The following TBX1 variants were observed in gnomAD, a reference collection of about 807,000 sequenced individuals.
TBX1 encodes the protein T-box transcription factor TBX1.
A neutral mutation model predicts 40.8 loss-of-function variants in TBX1; 16 were observed. The observed-to-expected ratio is 0.39, with a 90% confidence interval of 0.27 to 0.60. The LOEUF is 0.60. Among genes scored for constraint, TBX1 ranks in the 20% least tolerant of loss-of-function variants. The pLI, the probability that TBX1 is intolerant of heterozygous loss-of-function variation, is 0.51. For missense variants in TBX1, 755 were observed against 728.5 expected, an observed-to-expected ratio of 1.04 and a Z score of -0.42; for synonymous variants, 403 against 336.8, an observed-to-expected ratio of 1.20 and a Z score of -2.15.
intron 1 of TBX1, among the ~76,000 whole-genome samples, chr22:19,762,795 C>A (rs897795386): frequency 1.3e-5 from 2 of 152,104 alleles, no homozygotes; most frequent in African/African-American, 4.8e-5. Flanking sequence ...AGCGGGGACG[C>A]CTTGAACTCA....
At chr22:19,765,162 G>A in intron 4 of TBX1, 49 bp downstream of exon 4, 1 of 1,613,482 alleles carries the variant, frequency 6.2e-7, no homozygotes, top group Non-Finnish European at 8.5e-7. Context: ...CTCTGGAAAA[G>A]CGGGTGTAAT....
At chr22:19,759,718 A>AC, upstream of TBX1, 3 of 1,608,152 alleles carry the variant, frequency 1.9e-6, no homozygotes, top group Non-Finnish European at 2.5e-6. Context: ...CGCCCGCCAG[A>AC]CCCCCTGCCT....
intron 3 of TBX1, 106 bp from the exon 4 acceptor site, chr22:19,764,852 C>G (rs1031121460): frequency 1.4e-6 from 2 of 1,398,164 alleles, no homozygotes; most frequent in African/African-American, 2.8e-5. Flanking sequence ...CCCAACTCAT[C>G]CAGGAAACTC....
At chr22:19,774,017 C>G (rs1164164825) in intron 8 of TBX1, among the ~76,000 whole-genome samples, 6 of 152,142 alleles carry the variant, frequency 3.9e-5, no homozygotes, top group Non-Finnish European at 4.4e-5. Flanking sequence ...ACATATATAC[C>G]CAGAAGGTGA....
downstream of TBX1, among the ~76,000 whole-genome samples, chr22:19,767,784 G>C (rs144324069): frequency 1.3e-3 from 197 of 152,364 alleles, 1 homozygote; most frequent in African/African-American, 4.7e-3. Context: ...CTGCCGGTCG[G>C]TGCTGGGAGG....
chr22:19,769,082 C>T (rs1472263757), downstream of TBX1, among the ~76,000 whole-genome samples: 1 of 150,436 alleles, frequency 6.6e-6, no homozygotes, highest in Admixed American at 6.8e-5. Flanking sequence ...TTGCTTCAGC[C>T]TCAGAGTAGC....
rs1445785479 is a variant in TBX1, at chr22:19,767,322, G to C, written c.*455G>C. 1.0e-6 allele frequency: 1 copy of C among 988,964 alleles called. No individual in the cohort carries two copies. Among genetic ancestry groups the C allele is most frequent in the Non-Finnish European group, 1.2e-6 (1 of 832,394 alleles). The allele number at this position is 988,964 out of a possible 1,614,324, so 61.3% of individuals were successfully genotyped here. ...CGGCGCCGACTTGATAAACGGTTTC[G>C]CCTCTTTTGGAAGCCGCCTGCGTGT... On this transcript the variant is annotated 3_prime_UTR_variant, in exon 7 of 7. Coordinates refer to ENST00000649276, the MANE Select transcript of TBX1 (RefSeq NM_001379200.1).
At chr22:19,762,061 C>T (rs892017465) in intron 1 of TBX1, among the ~76,000 whole-genome samples, 5 of 152,240 alleles carry the variant, frequency 3.3e-5, no homozygotes, top group Admixed American at 3.3e-4. Flanking sequence ...AAAGCCTTCT[C>T]GTGGTTTCTG....
intron 4 of TBX1, among the ~76,000 whole-genome samples, chr22:19,765,527 G>A (rs556263681): frequency 7.2e-5 from 11 of 152,238 alleles, no homozygotes; most frequent in Admixed American, 5.2e-4. Flanking sequence ...CCACCCACCT[G>A]GGGGACACCA....
chr22:19,764,106 C>T (rs765218559), intron 2 of TBX1, 49 bp from the exon 3 acceptor site: 16 of 1,606,026 alleles, frequency 1.0e-5, no homozygotes, highest in Non-Finnish European at 1.2e-5. Context: ...CGGGTCAAGG[C>T]CCTCTGGGTT....
At chr22:19,764,073 A>G in intron 2 of TBX1, 82 bp from the exon 3 acceptor site, 1 of 1,521,666 alleles carries the variant, frequency 6.6e-7, no homozygotes, top group Non-Finnish European at 9.0e-7. Context: ...TCTCAAAGGC[A>G]CTTTTAGGGT....
downstream of TBX1, among the ~76,000 whole-genome samples, chr22:19,770,547 CGAGTCTGTT>C (rs1336384385): frequency 1.3e-5 from 2 of 152,214 alleles, no homozygotes; most frequent in Non-Finnish European, 2.9e-5. Context: ...CGGGACAAGG[CGAGTCTGTT>C]TGGTGGCACC....
At chr22:19,782,640 A>G (rs1937152871), downstream of TBX1, among the ~76,000 whole-genome samples, 1 of 152,160 alleles carries the variant, frequency 6.6e-6, no homozygotes, top group East Asian at 1.9e-4. Flanking sequence ...TCACACCCGC[A>G]GGGCTGAGTG....
At chr22:19,782,881 T>C, downstream of TBX1, 1 of 1,614,162 alleles carries the variant, frequency 6.2e-7, no homozygotes. Context: ...CCACCCAGTG[T>C]AGGGATCTGT....
At chr22:19,758,324 G>A (rs1312812043), upstream of TBX1, among the ~76,000 whole-genome samples, 2 of 152,212 alleles carry the variant, frequency 1.3e-5, no homozygotes, top group Admixed American at 6.5e-5. Context: ...AAGGCACAGA[G>A]GCTCCAGCAA....
chr22:19,768,544 G>A (rs1392271494), downstream of TBX1, among the ~76,000 whole-genome samples: 1 of 152,188 alleles, frequency 6.6e-6, no homozygotes, highest in African/African-American at 2.4e-5. Flanking sequence ...CATTTGGGGG[G>A]ACGGCTGTGG....
chr22:19,773,514 T>G (rs1225591465), intron 8 of TBX1, among the ~76,000 whole-genome samples: 1 of 152,118 alleles, frequency 6.6e-6, no homozygotes, highest in Non-Finnish European at 1.5e-5. Flanking sequence ...TGGGCTTCCT[T>G]GGAGGACCCT....
chr22:19,779,646 T>G, downstream of TBX1: 2 of 953,738 alleles, frequency 2.1e-6, no homozygotes, highest in Non-Finnish European at 2.9e-6. Flanking sequence ...TGTAAACTCA[T>G]TATAAACACT....
At position 19,761,250 on chromosome 22, in the gene TBX1, G is replaced by C. The variant is rs761127806; in HGVS notation, c.407G>C (p.Gly136Ala). ...KALWDEFNQLGTEMIVTKAGR... is the reference protein window; with the variant it reads ...KALWDEFNQLATEMIVTKAGR... ...CTGTGGGACGAGTTCAACCAGCTGGGCACCGAGATGATCGTCACCAAGGCC... is the reference window on the plus strand; with the variant it reads ...CTGTGGGACGAGTTCAACCAGCTGGCCACCGAGATGATCGTCACCAAGGCC... The change falls in exon 1 of 7, where the codon GGC becomes GCC. Residue 136 changes from glycine to alanine, a missense_variant. Gly to Ala is a moderately conservative substitution (Grantham distance 60, BLOSUM62 0). This residue lies in a region of TBX1 where 199 missense variants were observed against 173.0 expected (regional missense o/e 1.15). Coordinates refer to ENST00000649276, the MANE Select transcript of TBX1 (RefSeq NM_001379200.1). The C allele has an allele frequency of 6.4e-7, 1 of 1,567,166 alleles. No individual in the cohort carries two copies. The highest frequency in any genetic ancestry group is 1.8e-5 in the Admixed American group (1 of 56,820).
Sources: gnomAD v4.1 joint callset for allele counts (sites outside exome capture counted in the v4.1 genomes callset) on GRCh38, gnomAD v4.1.1 for gene constraint, gnomAD v4.1.1 regional missense constraint, MANE v1.5 for transcripts, NCBI Gene and HGNC (gene_info 2026-07-23, HGNC 2026-07-21) for gene names.